EP300: variants seen among roughly 807,000 people sequenced by gnomAD.
EP300 encodes histone acetyltransferase p300.
A neutral mutation model predicts 264.0 loss-of-function variants in EP300; 31 were observed. That is an observed-to-expected ratio of 0.12 (90% confidence interval 0.09 to 0.16). The LOEUF is 0.16. EP300 is among the 10% of genes least tolerant of loss of function. EP300 has a pLI of 1.00. For missense variants in EP300, 2,766 were observed against 3,052.9 expected, an observed-to-expected ratio of 0.91 and a Z score of 2.21; for synonymous variants, 1,340 against 1,045.4, an observed-to-expected ratio of 1.28 and a Z score of -5.44.
intron 2 of EP300, among the ~76,000 whole-genome samples, chr22:41,120,339 T>C (rs1020331382): frequency 6.6e-6 from 1 of 152,166 alleles, no homozygotes; most frequent in Admixed American, 6.6e-5. Flanking sequence ...AAATTATCCT[T>C]GTGTCGTGGC....
At chr22:41,095,232 A>ATTTTTTTTTTTTTTTTTTTTTTTT (rs66515117) in intron 1 of EP300, among the ~76,000 whole-genome samples, 1 of 80,264 alleles carries the variant, frequency 1.2e-5, no homozygotes, top group African/African-American at 5.5e-5. Flanking sequence ...TACCATTGTA[A>ATTTTTTTTTTTTTTTTTTTTTTTT]TTTTTTTTTT....
chr22:41,129,756 C>A, intron 4 of EP300, 134 bp from the exon 5 acceptor site: 4 of 693,148 alleles, frequency 5.8e-6, no homozygotes, highest in Non-Finnish European at 1.0e-5. Flanking sequence ...TTAATAGGAG[C>A]TACCTTATAG....
Position 41,148,350 on chromosome 22 carries a change from G to T in EP300, c.2241+404G>T, listed in dbSNP as rs2059024326. Among the ~76,000 whole-genome samples, 3 of 152,274 alleles carry T rather than the reference G, an allele frequency of 2.0e-5. No individual in the cohort carries two copies. The South Asian group carries it at 6.2e-4, about 32-fold the overall frequency. ...CTACCTTGACCCTAACCCTCCTGCT[G>T]CCCTTTAGAGTTAGCTGGTGCCTCT... On this transcript the variant is annotated intron_variant, in intron 12 of 30. Transcript: ENST00000263253.
intron 17 of EP300, 110 bp from the exon 18 acceptor site, chr22:41,157,059 G>T (rs900412774): frequency 6.1e-5 from 83 of 1,367,990 alleles, no homozygotes; most frequent in Non-Finnish European, 8.3e-5. Context: ...ATATAGACAG[G>T]CCAGAAACTA....
At chr22:41,154,514 C>G (rs983720082) in intron 16 of EP300, among the ~76,000 whole-genome samples, 10 of 150,848 alleles carry the variant, frequency 6.6e-5, no homozygotes, top group African/African-American at 2.4e-4. Context: ...TCCTGAGTAG[C>G]TGAGACTAGC....
intron 2 of EP300, among the ~76,000 whole-genome samples, chr22:41,120,036 ACTC>A (rs1210822154): frequency 6.6e-6 from 1 of 151,644 alleles, no homozygotes; most frequent in East Asian, 1.9e-4. Context: ...CTCGTTGTGA[ACTC>A]CTGACCTCAA....
intron 4 of EP300, among the ~76,000 whole-genome samples, chr22:41,128,159 A>T (rs1363949724): frequency 4.0e-5 from 6 of 151,888 alleles, no homozygotes; most frequent in Admixed American, 3.9e-4. Flanking sequence ...ATGTGAGACC[A>T]TGTCTTTAAA....
At chr22:41,175,972 C>T in intron 29 of EP300, 2 of 477,718 alleles carry the variant, frequency 4.2e-6, no homozygotes, top group South Asian at 4.2e-5. Context: ...GTAATCCCAG[C>T]ACTCTGGGAG....
At chr22:41,124,307 T>A (rs1488766731) in intron 2 of EP300, among the ~76,000 whole-genome samples, 1 of 152,072 alleles carries the variant, frequency 6.6e-6, no homozygotes, top group Non-Finnish European at 1.5e-5. Context: ...GCAGGTGACT[T>A]AGCAGGTGAC....
intron 1 of EP300, among the ~76,000 whole-genome samples, chr22:41,108,592 T>A (rs896335361): frequency 2.6e-5 from 4 of 152,144 alleles, no homozygotes; most frequent in African/African-American, 9.7e-5. Context: ...TCCTGTCCCG[T>A]TTTACTTCAC....
At chr22:41,139,192 G>T (rs2058968482) in intron 8 of EP300, among the ~76,000 whole-genome samples, 1 of 152,190 alleles carries the variant, frequency 6.6e-6, no homozygotes, top group African/African-American at 2.4e-5. Flanking sequence ...GACCTCAGGT[G>T]ATCCACCTGC....
In EP300 at chr22:41,141,085, A is replaced by G. The variant is rs768155857; in HGVS notation, c.1916A>G (p.Lys639Arg). 7.4e-6 allele frequency: 12 copies of G among 1,614,036 alleles called. No individual in the cohort carries two copies. The East Asian group carries it at 2.5e-4, about 33-fold the overall frequency. The change falls in exon 10 of 31, where the codon AAG becomes AGG. Residue 639 changes from lysine (K) to arginine (R), a missense_variant. Lys to Arg is a conservative substitution (Grantham distance 26, BLOSUM62 2). Transcript: ENST00000263253. Reference protein sequence around the residue: ...YYHLLAEKIYKIQKELEEKRR... With the variant: ...YYHLLAEKIYRIQKELEEKRR... ...CACCTTCTAGCTGAGAAAATCTATAAGATCCAGAAAGAACTAGAAGAAAAA... is the reference window on the plus strand; with the variant it reads ...CACCTTCTAGCTGAGAAAATCTATAGGATCCAGAAAGAACTAGAAGAAAAA...
intron 1 of EP300, among the ~76,000 whole-genome samples, chr22:41,109,746 G>A (rs934053165): frequency 2.6e-5 from 4 of 151,470 alleles, no homozygotes; most frequent in Non-Finnish European, 5.9e-5. Context: ...GGACGGGAAC[G>A]GATGGAGTTG....
intron 5 of EP300, among the ~76,000 whole-genome samples, chr22:41,130,758 A>T (rs1238871224): frequency 6.6e-6 from 1 of 152,128 alleles, no homozygotes; most frequent in African/African-American, 2.4e-5. Flanking sequence ...AAATTATTTT[A>T]AAAAGAAAAA....
chr22:41,096,220 A>G (rs1027464272), intron 1 of EP300, among the ~76,000 whole-genome samples: 3 of 152,132 alleles, frequency 2.0e-5, no homozygotes, highest in African/African-American at 7.2e-5. Context: ...TGACCAAAAG[A>G]CTGGAAAAGT....
chr22:41,168,498 C>T lies in EP300; in HGVS notation c.3924C>T (p.Asp1308=), dbSNP rs1444094353. Residue 1308 remains aspartate (D), a synonymous_variant, in exon 24 of 31, where the codon GAC becomes GAT. Coordinates refer to ENST00000263253, the MANE Select transcript of EP300 (RefSeq NM_001429.4). The part of the protein sequence containing the change: ...LGTFLENRVN[D]FLRRQNHPES... ...CCTTTCTAGAGAATCGTGTGAATGA[C>T]TTTCTGAGGCGACAGAATCACCCTG... 3.1e-6 allele frequency: 5 copies of T among 1,614,186 alleles called. No homozygotes were observed. The highest frequency in any genetic ancestry group is 4.2e-6 in the Non-Finnish European group (5 of 1,180,026).
At chr22:41,103,947 A>T (rs1004853550) in intron 1 of EP300, among the ~76,000 whole-genome samples, 3 of 130,950 alleles carry the variant, frequency 2.3e-5, no homozygotes, top group African/African-American at 7.5e-5. Flanking sequence ...AACAAAGTGA[A>T]TTGTTTATTT....
intron 12 of EP300, 48 bp from the exon 13 acceptor site, chr22:41,148,990 T>A (rs2145735583): frequency 6.2e-7 from 1 of 1,610,166 alleles, no homozygotes; most frequent in South Asian, 1.1e-5. Context: ...TATAGTAGAA[T>A]AACTATAATG....
intron 8 of EP300, among the ~76,000 whole-genome samples, 162 bp from the exon 9 acceptor site, chr22:41,139,978 A>G (rs1474627256): frequency 2.6e-5 from 4 of 152,248 alleles, no homozygotes; most frequent in African/African-American, 9.6e-5. Flanking sequence ...ATAGACAAAA[A>G]TTCTTTTGTT....
Sources: allele counts gnomAD v4.1 joint callset (sites outside exome capture counted in the v4.1 genomes callset), GRCh38; gene constraint gnomAD v4.1.1; transcripts MANE v1.5; gene names NCBI Gene and HGNC (gene_info 2026-07-23, HGNC 2026-07-21).